MRPS6: variants seen among roughly 807,000 people sequenced by gnomAD.
The protein encoded by MRPS6 is mitochondrial ribosomal protein S6.
MRPS6 carries 6 observed loss-of-function variants against 13.1 expected under a neutral mutation model. That is an observed-to-expected ratio of 0.46 (90% confidence interval 0.25 to 0.91). The LOEUF (loss-of-function observed/expected upper bound fraction) is 0.91. Among genes scored for constraint, MRPS6 ranks in the 40% least tolerant of loss-of-function variants. MRPS6 has a pLI of 0.18. For missense variants in MRPS6, 164 were observed against 155.6 expected, an observed-to-expected ratio of 1.05 and a Z score of -0.29; for synonymous variants, 61 against 56.5, an observed-to-expected ratio of 1.08 and a Z score of -0.36.
At chr21:34,081,080 A>T (rs1354180785) in intron 1 of MRPS6, among the ~76,000 whole-genome samples, 2 of 152,240 alleles carry the variant, frequency 1.3e-5, no homozygotes, top group Non-Finnish European at 2.9e-5. Context: ...AGTCATTAAA[A>T]TAATGACTGT....
At chr21:34,114,556 A>G (rs1003670998) in intron 1 of MRPS6, among the ~76,000 whole-genome samples, 2 of 152,156 alleles carry the variant, frequency 1.3e-5, no homozygotes, top group African/African-American at 4.8e-5. Context: ...ATCTGAGGGT[A>G]AGATGCAGAC....
intron 1 of MRPS6, among the ~76,000 whole-genome samples, chr21:34,085,079 G>A (rs1978324286): frequency 1.3e-5 from 2 of 152,132 alleles, no homozygotes; most frequent in Non-Finnish European, 2.9e-5. Context: ...AGAAATTTAC[G>A]CTGTTCTTCC....
intron 1 of MRPS6, among the ~76,000 whole-genome samples, chr21:34,088,680 G>GT (rs200542372): frequency 1 from 152,316 of 152,316 alleles, 76,158 homozygotes; most frequent in Non-Finnish European, 1. Flanking sequence ...ATAGATGTGA[G>GT]GCAACATCCT....
intron 1 of MRPS6, among the ~76,000 whole-genome samples, chr21:34,094,042 G>A (rs1262815120): frequency 6.6e-6 from 1 of 152,122 alleles, no homozygotes; most frequent in Non-Finnish European, 1.5e-5. Flanking sequence ...AGTCAGTGCC[G>A]TTATCCTCTC....
At chr21:34,086,517 TTGTG>T (rs34988334) in intron 1 of MRPS6, among the ~76,000 whole-genome samples, 6,455 of 146,926 alleles carry the variant, frequency 0.044, 204 homozygotes, top group African/African-American at 0.087. Context: ...TAGTTTGTGT[TTGTG>T]TGTGTGTGTG....
chr21:34,139,346 T>A (rs184353748), intron 2 of MRPS6, among the ~76,000 whole-genome samples: 1,972 of 151,782 alleles, frequency 0.013, 23 homozygotes, highest in Non-Finnish European at 0.021. Flanking sequence ...TAAAAAAAAA[T>A]TGGTATTTTT....
chr21:34,111,508 C>G (rs1979698372), intron 1 of MRPS6, among the ~76,000 whole-genome samples: 1 of 152,210 alleles, frequency 6.6e-6, no homozygotes, highest in Non-Finnish European at 1.5e-5. Flanking sequence ...TCTGAAGTCT[C>G]AAAATCAGAC....
At chr21:34,079,440 C>T (rs959493102) in intron 1 of MRPS6, among the ~76,000 whole-genome samples, 2 of 150,420 alleles carry the variant, frequency 1.3e-5, no homozygotes, top group Admixed American at 1.3e-4. Flanking sequence ...CCTTCTTCTT[C>T]TTTCTGTTTT....
intron 2 of MRPS6, among the ~76,000 whole-genome samples, chr21:34,128,379 A>G (rs1440726075): frequency 6.6e-6 from 1 of 152,020 alleles, no homozygotes; most frequent in Non-Finnish European, 1.5e-5. Flanking sequence ...CCCCCAAATC[A>G]ACCGCCTTAT....
At chr21:34,093,238 A>ATT (rs761174952) in intron 1 of MRPS6, among the ~76,000 whole-genome samples, 52 of 130,254 alleles carry the variant, frequency 4.0e-4, no homozygotes, top group African/African-American at 1.2e-3. Flanking sequence ...AACTTTTAAG[A>ATT]TTTTTTTTTT....
At chr21:34,121,009 A>G (rs1980099488) in intron 1 of MRPS6, among the ~76,000 whole-genome samples, 1 of 148,932 alleles carries the variant, frequency 6.7e-6, no homozygotes, top group African/African-American at 2.6e-5. Flanking sequence ...TAGCACAGCT[A>G]TTTCTAGCAC....
intron 1 of MRPS6, among the ~76,000 whole-genome samples, chr21:34,074,227 G>T (rs1989266119): frequency 1.3e-5 from 2 of 151,170 alleles, no homozygotes; most frequent in East Asian, 3.9e-4. Context: ...CTCCGCTCTA[G>T]CGCCCGCCGG....
intron 2 of MRPS6, among the ~76,000 whole-genome samples, chr21:34,134,300 G>C (rs996014302): frequency 6.6e-6 from 1 of 152,212 alleles, no homozygotes; most frequent in African/African-American, 2.4e-5. Flanking sequence ...AGTCTTGTCA[G>C]TGAGCAAATG....
At chr21:34,077,064 C>A (rs957481611) in intron 1 of MRPS6, among the ~76,000 whole-genome samples, 1 of 152,214 alleles carries the variant, frequency 6.6e-6, no homozygotes, top group Admixed American at 6.5e-5. Flanking sequence ...CCTGCCCCCC[C>A]TGCAATGAGA....
At chr21:34,119,133 A>G (rs1039477943) in intron 1 of MRPS6, among the ~76,000 whole-genome samples, 8 of 152,220 alleles carry the variant, frequency 5.3e-5, no homozygotes, top group Non-Finnish European at 8.8e-5. Context: ...TCCTGATTCA[A>G]TAAATTGTTG....
chr21:34,135,616 A>G (rs1556011863), intron 2 of MRPS6: 2 of 399,262 alleles, frequency 5.0e-6, no homozygotes, highest in Non-Finnish European at 9.9e-6. Flanking sequence ...CACATGGTGC[A>G]GTGGGGACAC....
intron 2 of MRPS6, among the ~76,000 whole-genome samples, chr21:34,125,844 T>C (rs1004082935): frequency 2.0e-5 from 3 of 152,228 alleles, no homozygotes; most frequent in Non-Finnish European, 2.9e-5. Flanking sequence ...TTTAAACATA[T>C]GCGTTGCAAA....
chr21:34,109,807 G>GAA (rs529165691), intron 1 of MRPS6, among the ~76,000 whole-genome samples: 1,729 of 145,768 alleles, frequency 0.012, 36 homozygotes, highest in South Asian at 0.082. Context: ...GGTTGTACCT[G>GAA]AAAAAAAAAA....
chr21:34,115,586 A>T (rs1236089260), intron 1 of MRPS6, among the ~76,000 whole-genome samples: 1 of 152,188 alleles, frequency 6.6e-6, no homozygotes, highest in Non-Finnish European at 1.5e-5. Flanking sequence ...TACCTCTCTG[A>T]TTATTACTAT....
Sources: allele counts gnomAD v4.1 joint callset (sites outside exome capture counted in the v4.1 genomes callset), GRCh38; gene constraint gnomAD v4.1.1; transcripts MANE v1.5; gene names NCBI Gene and HGNC (gene_info 2026-07-23, HGNC 2026-07-21).